Variants in COL8A1 observed in about 807,000 individuals in gnomAD.
COL8A1 encodes collagen type VIII alpha 1 chain, also known as collagen alpha-1(VIII) chain.
COL8A1 carries 21 observed loss-of-function variants against 42.7 expected under a neutral mutation model. That is an observed-to-expected ratio of 0.49 (90% CI 0.35 to 0.71). The LOEUF (loss-of-function observed/expected upper bound fraction) is 0.71. COL8A1 is among the 30% of genes least tolerant of loss of function. The pLI, the probability that COL8A1 is intolerant of heterozygous loss-of-function variation, is 0.01. For missense variants in COL8A1, 788 were observed against 962.4 expected, an observed-to-expected ratio of 0.82 and a Z score of 2.40; for synonymous variants, 367 against 369.1, an observed-to-expected ratio of 0.99 and a Z score of 0.06.
chr3:99,733,619 G>A (rs927445125), intron 1 of COL8A1, among the ~76,000 whole-genome samples: 3 of 152,144 alleles, frequency 2.0e-5, no homozygotes, highest in Admixed American at 6.5e-5. Flanking sequence ...ACGTGTGTAT[G>A]TGTCTTTATA....
intron 2 of COL8A1, among the ~76,000 whole-genome samples, chr3:99,784,953 G>T (rs986704564): frequency 1.3e-5 from 2 of 152,022 alleles, no homozygotes; most frequent in Non-Finnish European, 2.9e-5. Flanking sequence ...ACCCTAAGGT[G>T]GGCTTATTTA....
intron 1 of COL8A1, among the ~76,000 whole-genome samples, chr3:99,718,525 A>G (rs527296816): frequency 6.6e-6 from 1 of 152,182 alleles, no homozygotes; most frequent in South Asian, 2.1e-4. Flanking sequence ...AGGACAGAAG[A>G]TAGGCTACTT....
intron 2 of COL8A1, among the ~76,000 whole-genome samples, chr3:99,761,807 G>T (rs1411132725): frequency 6.6e-6 from 1 of 152,158 alleles, no homozygotes; most frequent in African/African-American, 2.4e-5. Flanking sequence ...ATATCTAGTT[G>T]TTATCTTGTT....
At position 99,798,629 on chromosome 3, in the gene COL8A1, TGTG is replaced by T. The variant is rs1942143045; in HGVS notation, c.*2494_*2496del. 2.0e-5 allele frequency: 3 copies of T among 151,840 alleles called. No homozygotes were observed. The highest frequency in any genetic ancestry group is 2.9e-5 in the Non-Finnish European group (2 of 68,034). 9.4% of individuals were successfully genotyped at this position (151,840 alleles called of 1,614,324 possible). On this transcript the variant is annotated 3_prime_UTR_variant, in exon 4 of 4. Coordinates refer to ENST00000652472, the MANE Select transcript of COL8A1 (RefSeq NM_020351.4). ...ATATATATATATATATGTGTGTGTG[TGTG>T]TGTGTGCGCGTGAGCGCACGTGTGT...
intron 2 of COL8A1, among the ~76,000 whole-genome samples, chr3:99,762,711 C>G (rs912490678): frequency 3.3e-5 from 5 of 152,184 alleles, no homozygotes; most frequent in Admixed American, 1.3e-4. Context: ...AGGCAGGACC[C>G]TGAACAAAAG....
At position 99,797,078 on chromosome 3, in the gene COL8A1, G is replaced by A. The variant is rs1942120930; in HGVS notation, c.*942G>A. ...TCCTCTAATAACTTTCCAAATTTGT[G>A]GAATATTTATTTGTAATAGCAGTTA... On this transcript the variant is annotated 3_prime_UTR_variant, in exon 4 of 4. Coordinates refer to ENST00000652472, the MANE Select transcript of COL8A1 (RefSeq NM_020351.4). 2 of 152,032 alleles carry A rather than the reference G, an allele frequency of 1.3e-5. No homozygotes were observed. The highest frequency in any genetic ancestry group is 4.1e-4 in the South Asian group (2 of 4,826). 9.4% of individuals were successfully genotyped at this position (152,032 alleles called of 1,614,324 possible). A position where few individuals can be genotyped will look rare whatever the true frequency, so the allele number is the denominator to read the frequency against.
At chr3:99,731,422 G>T (rs1219625531) in intron 1 of COL8A1, among the ~76,000 whole-genome samples, 1 of 152,078 alleles carries the variant, frequency 6.6e-6, no homozygotes, top group Non-Finnish European at 1.5e-5. Context: ...AGGCCAGTGT[G>T]GCCAGGGTGG....
intron 1 of COL8A1, among the ~76,000 whole-genome samples, chr3:99,744,242 A>G (rs1251893892): frequency 6.6e-6 from 1 of 152,166 alleles, no homozygotes; most frequent in Non-Finnish European, 1.5e-5. Context: ...TATTTCTTAA[A>G]CAAGTTCCTG....
chr3:99,767,852 A>G (rs892580127), intron 2 of COL8A1, among the ~76,000 whole-genome samples: 1 of 152,218 alleles, frequency 6.6e-6, no homozygotes, highest in South Asian at 2.1e-4. Flanking sequence ...TAATAAAGTC[A>G]TATTTTTCAG....
Position 99,698,812 on chromosome 3 carries a change from G to A in COL8A1, c.-128-46085G>A, listed in dbSNP as rs570802314. 9.9e-5 allele frequency among the ~76,000 whole-genome samples: 15 copies of A among 152,284 alleles called. No homozygotes were observed. In the East Asian group the frequency reaches 1.5e-3, roughly 16 times the overall value. On this transcript the variant is annotated intron_variant, in intron 1 of 3. Transcript: ENST00000652472. ...GGAGAGACTGAGACTGTTGAATGAC[G>A]AATGTCAGTGTTAACGTTGAATAAA...
chr3:99,768,345 A>G (rs1461100538), intron 2 of COL8A1, among the ~76,000 whole-genome samples: 2 of 152,216 alleles, frequency 1.3e-5, no homozygotes. Context: ...GGTATGGGCT[A>G]TTGCACACTA....
At chr3:99,786,191 A>C (rs1466275511) in intron 2 of COL8A1, among the ~76,000 whole-genome samples, 1 of 152,084 alleles carries the variant, frequency 6.6e-6, no homozygotes, top group Non-Finnish European at 1.5e-5. Context: ...TTCTTTCCAA[A>C]ACATCGGAGC....
intron 1 of COL8A1, among the ~76,000 whole-genome samples, chr3:99,726,813 A>G (rs948332509): frequency 6.6e-6 from 1 of 152,058 alleles, no homozygotes; most frequent in South Asian, 2.1e-4. Context: ...TGGTTACTGT[A>G]GCCTTGTAGT....
In COL8A1 at chr3:99,797,969, T is replaced by A. The variant is rs566843373; in HGVS notation, c.*1833T>A. The A allele has an allele frequency of 6.6e-6, 1 of 152,334 alleles. No homozygotes were observed. The highest frequency in any genetic ancestry group is 2.1e-4 in the South Asian group (1 of 4,830). The allele number at this position is 152,334 out of a possible 1,614,324, so 9.4% of individuals were successfully genotyped here. ...TGCTATTAGCCTGCTGCTGACTCTATCACTTGGAGCAATAATGTGGGGTTA... is the reference window on the plus strand; with the variant it reads ...TGCTATTAGCCTGCTGCTGACTCTAACACTTGGAGCAATAATGTGGGGTTA... On this transcript the variant is annotated 3_prime_UTR_variant, in exon 4 of 4. Coordinates refer to ENST00000652472, the MANE Select transcript of COL8A1 (RefSeq NM_020351.4).
intron 1 of COL8A1, among the ~76,000 whole-genome samples, chr3:99,677,160 G>T (rs1384519763): frequency 1.3e-5 from 2 of 151,210 alleles, no homozygotes; most frequent in African/African-American, 4.9e-5. Context: ...ATATATATAA[G>T]CACATCAATT....
At position 99,750,300 on chromosome 3, in the gene COL8A1, G is replaced by A. The variant is rs190831975; in HGVS notation, c.-4+5279G>A. On this transcript the variant is annotated intron_variant, in intron 2 of 3. Transcript: ENST00000652472. ...TTGAACTCCTGATCTCCAGGAATCC[G>A]CCCACCTCAGCCTCCCAAAGTGCTG... Among the ~76,000 whole-genome samples, 431 of 151,872 alleles carry A rather than the reference G, an allele frequency of 2.8e-3. 1 individual carries two copies. The highest frequency in any genetic ancestry group is 3.9e-3 in the African/African-American group (161 of 41,462).
Position 99,795,762 on chromosome 3 carries a change from G to C in COL8A1, c.1861G>C (p.Glu621Gln), listed in dbSNP as rs376085430. The change falls in exon 4 of 4, where the codon GAG becomes CAG. Residue 621 changes from glutamate to glutamine, a missense_variant. Glu to Gln is a conservative substitution (Grantham distance 29, BLOSUM62 2). This residue lies in a region of COL8A1 where 212 missense variants were observed against 210.9 expected (regional missense o/e 1.00). Transcript: ENST00000652472. ...CTATGAGATGCCTGCATTTACCGCC[G>C]AGCTAACCGCACCTTTCCCACCGGT... ...PAYEMPAFTA[E>Q]LTAPFPPVGA... is the part of the protein sequence containing the mutation. The C allele has an allele frequency of 1.2e-6, 2 of 1,613,954 alleles. No individual in the cohort carries two copies. Among genetic ancestry groups the C allele is most frequent in the Non-Finnish European group, 1.7e-6 (2 of 1,180,002 alleles).
chr3:99,741,939 A>G (rs1310577544), intron 1 of COL8A1, among the ~76,000 whole-genome samples: 2 of 152,140 alleles, frequency 1.3e-5, no homozygotes, highest in Non-Finnish European at 2.9e-5. Flanking sequence ...TTAAGGAATA[A>G]AGCAAACTCC....
At position 99,647,524 on chromosome 3, in the gene COL8A1, C is replaced by CA. The variant is rs553786510; in HGVS notation, c.-129+8866dup. On this transcript the variant is annotated intron_variant, in intron 1 of 3. Coordinates refer to ENST00000652472, the MANE Select transcript of COL8A1 (RefSeq NM_020351.4). ...CATATCTTCAACCTCCACTTCTACCCAAAAAATCTTTAGAACACTGGACAA... is the reference window on the plus strand; with the variant it reads ...CATATCTTCAACCTCCACTTCTACCCAAAAAAATCTTTAGAACACTGGACAA... Among the ~76,000 whole-genome samples, 271 of 152,034 alleles carry CA rather than the reference C, an allele frequency of 1.8e-3. 1 individual carries two copies. Among genetic ancestry groups the CA allele is most frequent in the Admixed American group, 4.7e-3 (71 of 15,244 alleles).
Sources: allele counts gnomAD v4.1 joint callset (sites outside exome capture counted in the v4.1 genomes callset), GRCh38; gene constraint gnomAD v4.1.1; regional missense constraint gnomAD v4.1.1; transcripts MANE v1.5; gene names NCBI Gene and HGNC (gene_info 2026-07-23, HGNC 2026-07-21).